Variants in THAP4 observed in about 807,000 individuals in gnomAD.
THAP4 encodes THAP domain containing 4.
THAP4 carries 18 observed loss-of-function variants against 48.1 expected under a neutral mutation model. That is an observed-to-expected ratio of 0.37 (90% CI 0.26 to 0.56). THAP4 has a LOEUF of 0.56. THAP4 is among the 20% of genes least tolerant of loss of function. The probability of loss-of-function intolerance (pLI) is 0.78; values close to 1 mark genes in which losing one functional copy is unlikely to be tolerated. For synonymous variants in THAP4, 345 were observed against 324.9 expected, an observed-to-expected ratio of 1.06 and a Z score of -0.66; for missense variants, 656 against 774.9, an observed-to-expected ratio of 0.85 and a Z score of 1.82.
chr2:241,584,981 C>A (rs1050679802), intron 5 of THAP4: 2 of 466,392 alleles, frequency 4.3e-6, no homozygotes, highest in Non-Finnish European at 7.9e-6. Flanking sequence ...GACGGCCATA[C>A]CACCCTGAAC....
intron 5 of THAP4, among the ~76,000 whole-genome samples, chr2:241,596,533 GCAGTGGCT>G (rs2067049906): frequency 7.2e-6 from 1 of 139,660 alleles, no homozygotes; most frequent in Non-Finnish European, 1.6e-5. Context: ...AAGGCCGGGC[GCAGTGGCT>G]CACGCCTGTA....
Position 241,601,862 on chromosome 2 carries a change from G to A in THAP4, c.1614+34C>T. 1 of 1,612,436 alleles carries A rather than the reference G, an allele frequency of 6.2e-7. No individual in the cohort carries two copies. Among genetic ancestry groups the A allele is most frequent in the African/African-American group, 1.3e-5 (1 of 75,016 alleles). On this transcript the variant is annotated intron_variant, in intron 5 of 5. Coordinates refer to ENST00000407315, the MANE Select transcript of THAP4 (RefSeq NM_015963.6). The surrounding 1 kb of genome is among the most constrained non-coding windows in gnomAD (Gnocchi z 4.0). ...ACTCCACAGACCGCTGCAAACAGAA[G>A]ACAGGAGCGTGCTGGGAGCAGGGCT...
chr2:241,633,260 G>A lies in THAP4; in HGVS notation c.897C>T (p.Ser299=). The change falls in exon 2 of 6, where the codon AGC becomes AGT. Residue 299 remains serine, a synonymous_variant. Transcript: ENST00000407315. The surrounding 1 kb of genome is among the most constrained non-coding windows in gnomAD (Gnocchi z 7.5). ...TGACGTCGGCAGGAGGGGCAGAGGG[G>A]CTCTGGGAAGGCTTCTGCGGTGTCG... ...LTATPQKPSQ[S]PSAPPADVTP... is the part of the protein sequence containing the mutation. The A allele has an allele frequency of 6.2e-7, 1 of 1,611,188 alleles. No individual in the cohort carries two copies. The highest frequency in any genetic ancestry group is 1.1e-5 in the South Asian group (1 of 91,064).
rs1187889310 is a variant in THAP4 at position 241,616,602 on chromosome 2, A to G, written c.1241-10129T>C. Among the ~76,000 whole-genome samples the G allele has an allele frequency of 1.3e-5, 2 of 152,212 alleles. No homozygotes were observed. Among genetic ancestry groups the G allele is most frequent in the Non-Finnish European group, 2.9e-5 (2 of 68,036 alleles). On this transcript the variant is annotated intron_variant, in intron 2 of 5. Coordinates refer to ENST00000407315, the MANE Select transcript of THAP4 (RefSeq NM_015963.6). This position sits in a 1 kb window ranked among gnomAD's most constrained non-coding sequence, Gnocchi z 4.6. ...GCTGCTTCAGGGGCACAGGGCCCAC[A>G]CCACACTTGGGGACAGGACAGGACG...
At chr2:241,627,403 G>A (rs1225035121) in intron 2 of THAP4, among the ~76,000 whole-genome samples, 3 of 152,234 alleles carry the variant, frequency 2.0e-5, no homozygotes, top group Non-Finnish European at 4.4e-5. Flanking sequence ...TTATAACTCA[G>A]TGGGCAAGCA....
At chr2:241,626,981 C>T (rs887491441) in intron 2 of THAP4, among the ~76,000 whole-genome samples, 1 of 152,230 alleles carries the variant, frequency 6.6e-6, no homozygotes, top group African/African-American at 2.4e-5. Context: ...ACTCTTCTGA[C>T]ATTCCTGTTT....
chr2:241,620,680 G>A lies in THAP4; in HGVS notation c.1240+12237C>T, dbSNP rs145908079. 1.2e-3 allele frequency among the ~76,000 whole-genome samples: 175 copies of A among 151,936 alleles called. 1 individual carries two copies. The highest frequency in any genetic ancestry group is 3.7e-3 in the African/African-American group (153 of 41,338). On this transcript the variant is annotated intron_variant, in intron 2 of 5. Transcript: ENST00000407315. ...AGTCGGTGACTGAGGCAGTGACTGC[G>A]GCGGTGAGTGAATGCAAAGGCCTGG... is the stretch of plus-strand genomic sequence containing the variant.
intron 2 of THAP4, among the ~76,000 whole-genome samples, chr2:241,625,732 T>C (rs1172039401): frequency 7.7e-6 from 1 of 130,594 alleles, no homozygotes; most frequent in African/African-American, 2.9e-5. Flanking sequence ...CGGGAGGTGG[T>C]TTTTGCAGTG....
chr2:241,622,479 A>C (rs1047042678), intron 2 of THAP4, among the ~76,000 whole-genome samples: 3 of 152,216 alleles, frequency 2.0e-5, no homozygotes, highest in African/African-American at 7.2e-5. Flanking sequence ...GGGAGAAGGA[A>C]TATGATATAC....
At position 241,612,299 on chromosome 2, in the gene THAP4, A is replaced by G. The variant is rs2067287564; in HGVS notation, c.1241-5826T>C. On this transcript the variant is annotated intron_variant, in intron 2 of 5. Transcript: ENST00000407315. This position sits in a 1 kb window ranked among gnomAD's most constrained non-coding sequence, Gnocchi z 4.1. ...ATAGAGAAATGGAAACAAAGTTAGA[A>G]GGACGGGAACGCCTGGCACACTGCT... 6.6e-6 allele frequency among the ~76,000 whole-genome samples: 1 copy of G among 152,192 alleles called. No homozygotes were observed. Among genetic ancestry groups the G allele is most frequent in the Non-Finnish European group, 1.5e-5 (1 of 68,044 alleles).
rs201904498 is a variant in THAP4 at position 241,633,733 on chromosome 2, G to A, written c.424C>T (p.Arg142Cys). 8 of 1,611,520 alleles carry A rather than the reference G, an allele frequency of 5.0e-6. No homozygotes were observed. The highest frequency in any genetic ancestry group is 2.2e-5 in the East Asian group (1 of 44,806). ...TGCAGAGCAGCTTGCTTCAACCTGC[G>A]GGACTCTGGCTTGGCCATCGGGTTT... ...SGNPMAKPESRRLKQAALQGE... is the reference protein window; with the variant it reads ...SGNPMAKPESCRLKQAALQGE... Residue 142 changes from arginine (R) to cysteine (C), a missense_variant, in exon 2 of 6, where the codon CGC becomes TGC. Coordinates refer to ENST00000407315, the MANE Select transcript of THAP4 (RefSeq NM_015963.6). This position sits in a 1 kb window ranked among gnomAD's most constrained non-coding sequence, Gnocchi z 7.5.
At position 241,633,248 on chromosome 2, in the gene THAP4, A is replaced by G. The variant is rs753469472; in HGVS notation, c.909T>C (p.Pro303=). The change falls in exon 2 of 6, where the codon CCT becomes CCC. Residue 303 remains proline, a synonymous_variant. Coordinates refer to ENST00000407315, the MANE Select transcript of THAP4 (RefSeq NM_015963.6). The surrounding 1 kb of genome is among the most constrained non-coding windows in gnomAD (Gnocchi z 7.5). ...PQKPSQSPSA[P]PADVTPKPAT... ...CTGGCTTTGGGGTGACGTCGGCAGG[A>G]GGGGCAGAGGGGCTCTGGGAAGGCT... 3 of 1,608,088 alleles carry G rather than the reference A, an allele frequency of 1.9e-6. No individual in the cohort carries two copies. Among genetic ancestry groups the G allele is most frequent in the Non-Finnish European group, 1.7e-6 (2 of 1,177,736 alleles).
At chr2:241,592,091 A>G (rs1471435123) in intron 5 of THAP4, 1 of 152,232 alleles carries the variant, frequency 6.6e-6, no homozygotes, top group African/African-American at 2.4e-5. Flanking sequence ...AACGACGTGA[A>G]AAGATGCTCA....
intron 3 of THAP4, among the ~76,000 whole-genome samples, chr2:241,604,509 T>C (rs2067155183): frequency 6.6e-6 from 1 of 151,906 alleles, no homozygotes; most frequent in South Asian, 2.1e-4. Flanking sequence ...CCTCAGCCTC[T>C]CAAAGTGCTG....
Position 241,601,779 on chromosome 2 carries a change from C to CA in THAP4, c.1614+116dup. On this transcript the variant is annotated intron_variant, in intron 5 of 5. Coordinates refer to ENST00000407315, the MANE Select transcript of THAP4 (RefSeq NM_015963.6). The surrounding 1 kb of genome is among the most constrained non-coding windows in gnomAD (Gnocchi z 4.0). Reference sequence around the variant, plus strand: ...AGGGAAAAGAAGGAGACAGTGAAGACAGGCCTGTGAGACACAGTGGCAAGA... The same window carrying CA: ...AGGGAAAAGAAGGAGACAGTGAAGACAAGGCCTGTGAGACACAGTGGCAAGA... 6.5e-7 allele frequency: 1 copy of CA among 1,537,836 alleles called. No homozygotes were observed.
At chr2:241,628,602 G>C (rs111942358) in intron 2 of THAP4, among the ~76,000 whole-genome samples, 21,938 of 150,266 alleles carry the variant, frequency 0.15, 1,699 homozygotes, top group East Asian at 0.16. Flanking sequence ...CTGAGCCATC[G>C]CCATCTACCC....
intron 2 of THAP4, among the ~76,000 whole-genome samples, chr2:241,627,469 T>C (rs576813257): frequency 6.6e-6 from 1 of 152,200 alleles, no homozygotes; most frequent in East Asian, 1.9e-4. Context: ...AAGGAATCGC[T>C]GCTGGCGGAG....
intron 2 of THAP4, among the ~76,000 whole-genome samples, chr2:241,608,549 C>T (rs138297747): frequency 0.023 from 3,452 of 152,168 alleles, 181 homozygotes; most frequent in East Asian, 0.17. Context: ...CAATCTTTCA[C>T]GGAGATAAGG....
intron 3 of THAP4, among the ~76,000 whole-genome samples, chr2:241,606,013 G>A (rs529323011): frequency 6.2e-4 from 95 of 152,286 alleles, no homozygotes; most frequent in Non-Finnish European, 1.1e-3. Flanking sequence ...GCACTGGCCA[G>A]GGTGATTAAT....
Sources: gnomAD v4.1 joint callset for allele counts (sites outside exome capture counted in the v4.1 genomes callset) on GRCh38, gnomAD v4.1.1 for gene constraint, Gnocchi (gnomAD v3.1) non-coding constraint, MANE v1.5 for transcripts, NCBI Gene and HGNC (gene_info 2026-07-23, HGNC 2026-07-21) for gene names.